Variants in FLOT1 observed in about 807,000 individuals in gnomAD.
FLOT1 encodes the protein flotillin-1.
In FLOT1, 40 loss-of-function variants were observed where a neutral mutation model predicts 58.4. The ratio of observed to expected loss-of-function variants is 0.69; its 90% CI spans 0.53 to 0.89. FLOT1 has a LOEUF of 0.89. Ranked by LOEUF, FLOT1 falls within the 40% of genes least tolerant of loss-of-function variation. The pLI, the probability that FLOT1 is intolerant of heterozygous loss-of-function variation, is 0.00. For missense variants in FLOT1, 423 were observed against 540.8 expected (o/e 0.78, Z 2.16); for synonymous variants, 178 against 204.2 (o/e 0.87, Z 1.09).
At position 30,737,237 on chromosome 6, in the gene FLOT1, C is replaced by CGTCT. The variant is rs1777650097; in HGVS notation, c.723+2920_723+2921insAGAC. On this transcript the variant is annotated intron_variant, in intron 8 of 12. Coordinates refer to ENST00000376389, the MANE Select transcript of FLOT1 (RefSeq NM_005803.4). This position sits in a 1 kb window ranked among gnomAD's most constrained non-coding sequence, Gnocchi z 4.4. ...CCGTCCGTCCGTCCGTCCGTCCGTC[C>CGTCT]GTCCGTCCGTCCATCCGTCCATCCA... Among the ~76,000 whole-genome samples, 2 of 148,582 alleles carry CGTCT rather than the reference C, an allele frequency of 1.3e-5. 1 individual carries two copies. The highest frequency in any genetic ancestry group is 5.0e-5 in the African/African-American group (2 of 39,842).
intron 8 of FLOT1, among the ~76,000 whole-genome samples, chr6:30,738,486 G>A (rs1262230045): frequency 6.6e-6 from 1 of 152,196 alleles, no homozygotes; most frequent in East Asian, 1.9e-4. Flanking sequence ...AAGTAGCCAT[G>A]AATGCTGAAT....
rs146050958 is a variant in FLOT1, at chr6:30,737,242, G to GTCCATCCATCCATCCATCCA, written c.723+2915_723+2916insTGGATGGATGGATGGATGGA. Among the ~76,000 whole-genome samples, 492 of 145,830 alleles carry GTCCATCCATCCATCCATCCA rather than the reference G, an allele frequency of 3.4e-3. 1 individual carries two copies. Among genetic ancestry groups the GTCCATCCATCCATCCATCCA allele is most frequent in the African/African-American group, 8.2e-3 (317 of 38,542 alleles). ...CGTCCGTCCGTCCGTCCGTCCGTCCGTCCGTCCATCCGTCCATCCATCCAT... is the reference window on the plus strand; with the variant it reads ...CGTCCGTCCGTCCGTCCGTCCGTCCGTCCATCCATCCATCCATCCATCCGTCCATCCGTCCATCCATCCAT... On this transcript the variant is annotated intron_variant, in intron 8 of 12. Transcript: ENST00000376389. This position sits in a 1 kb window ranked among gnomAD's most constrained non-coding sequence, Gnocchi z 4.4.
chr6:30,730,622 C>T, intron 10 of FLOT1, 57 bp from the exon 11 acceptor site: 6 of 1,613,822 alleles, frequency 3.7e-6, no homozygotes, highest in Non-Finnish European at 5.1e-6. Context: ...AAGAAATCCC[C>T]GATCAAGCAG....
Position 30,732,176 on chromosome 6 carries a change from C to A in FLOT1, c.724-1076G>T, listed in dbSNP as rs531843724. On this transcript the variant is annotated intron_variant, in intron 8 of 12. Coordinates refer to ENST00000376389, the MANE Select transcript of FLOT1 (RefSeq NM_005803.4). ...TAGAGACGGGGTTTCACCATGTTGG[C>A]CAGGCTGGTCTCAAACTCCTGATCT... Among the ~76,000 whole-genome samples, 6 of 152,064 alleles carry A rather than the reference C, an allele frequency of 3.9e-5. No homozygotes were observed. The East Asian group carries it at 1.2e-3, about 29-fold the overall frequency.
At chr6:30,740,963 T>C in intron 5 of FLOT1, 165 bp from the exon 6 acceptor site, 5 of 1,178,412 alleles carry the variant, frequency 4.2e-6, no homozygotes, top group Non-Finnish European at 5.8e-6. Flanking sequence ...ATTTTTGTAT[T>C]TGTAGTAGAG....
chr6:30,740,736 C>T lies in FLOT1; in HGVS notation c.417G>A (p.Leu139=). The T allele has an allele frequency of 6.2e-7, 1 of 1,612,894 alleles. No homozygotes were observed. Among genetic ancestry groups the T allele is most frequent in the East Asian group, 2.2e-5 (1 of 44,874 alleles). ...EQVFKVASSD[L]VNMGISVVSY... ...TAACCACACTGATGCCCATGTTGAC[C>T]AGGTCTGAGGAGGCCACTTTGAAAA... The change falls in exon 6 of 13, where the codon CTG becomes CTA. Residue 139 remains leucine, a synonymous_variant. Coordinates refer to ENST00000376389, the MANE Select transcript of FLOT1 (RefSeq NM_005803.4).
chr6:30,740,471 A>T (rs1443012758), intron 7 of FLOT1, 25 bp downstream of exon 7: 3 of 1,608,238 alleles, frequency 1.9e-6, no homozygotes. Flanking sequence ...CCCCTTTCCC[A>T]CTAAGCAACC....
intron 8 of FLOT1, among the ~76,000 whole-genome samples, chr6:30,739,822 T>C (rs9262162): frequency 0.13 from 19,722 of 152,108 alleles, 1,643 homozygotes; most frequent in South Asian, 0.22. Context: ...CTGCCATGCC[T>C]GGCTAATGTT....
chr6:30,740,360 C>T, intron 7 of FLOT1, 50 bp from the exon 8 acceptor site: 1 of 1,606,358 alleles, frequency 6.2e-7, no homozygotes, highest in Admixed American at 1.7e-5. Context: ...GGGAGAAAGG[C>T]CACGGTGACA....
intron 8 of FLOT1, 92 bp from the exon 9 acceptor site, chr6:30,731,192 TAGG>T: frequency 7.5e-7 from 1 of 1,339,278 alleles, no homozygotes; most frequent in African/African-American, 1.5e-5. Flanking sequence ...GATATAAAAA[TAGG>T]AGCCGGTGGC....
In FLOT1 at chr6:30,742,009, AAT is replaced by A; in HGVS notation, c.43+136_43+137del. ...GCAGTCTGGGCCTTGGAATGGTGGG[AAT>A]CAAACTGGGCAGTTCGTGGCCATCA... On this transcript the variant is annotated intron_variant, in intron 2 of 12. Transcript: ENST00000376389. The surrounding 1 kb of genome is among the most constrained non-coding windows in gnomAD (Gnocchi z 5.2). 1.7e-6 allele frequency: 2 copies of A among 1,182,404 alleles called. No individual in the cohort carries two copies. Among genetic ancestry groups the A allele is most frequent in the South Asian group, 2.6e-5 (2 of 78,216 alleles). The allele number at this position is 1,182,404 out of a possible 1,614,324, so 73.2% of individuals were successfully genotyped here.
chr6:30,740,025 G>A (rs1489678089), intron 8 of FLOT1, 133 bp downstream of exon 8: 14 of 796,964 alleles, frequency 1.8e-5, no homozygotes, highest in Non-Finnish European at 2.6e-5. Flanking sequence ...CTCATATGGG[G>A]GAGTTGGTCC....
rs9500867 is a variant in FLOT1, at chr6:30,730,154, T to C, written c.1122A>G (p.Ser374=). The part of the protein sequence containing the change: ...VAEEISGPLT[S]ANKITLVSSG... Reference sequence around the variant, plus strand: ...TGGACACCAGTGTGATCTTATTGGCTGAAGTCAAGGGACCACTGATCTCCT... The same window carrying C: ...TGGACACCAGTGTGATCTTATTGGCCGAAGTCAAGGGACCACTGATCTCCT... Residue 374 remains serine (S), a synonymous_variant, in exon 12 of 13, where the codon TCA becomes TCG. Coordinates refer to ENST00000376389, the MANE Select transcript of FLOT1 (RefSeq NM_005803.4). The C allele has an allele frequency of 0.019, 29,891 of 1,613,000 alleles. 913 individuals are homozygous for C. Among genetic ancestry groups the C allele is most frequent in the East Asian group, 0.13 (6,028 of 44,876 alleles).
intron 8 of FLOT1, among the ~76,000 whole-genome samples, chr6:30,733,683 G>A (rs1359577245): frequency 3.4e-5 from 5 of 147,752 alleles, no homozygotes; most frequent in African/African-American, 1.2e-4. Flanking sequence ...AGAGGTTGCA[G>A]TAGCTGAGAT....
At position 30,730,704 on chromosome 6, in the gene FLOT1, T is replaced by A; in HGVS notation, c.929A>T (p.Glu310Val). 6.2e-7 allele frequency: 1 copy of A among 1,613,376 alleles called. No homozygotes were observed. Among genetic ancestry groups the A allele is most frequent in the Non-Finnish European group, 8.5e-7 (1 of 1,180,042 alleles). Residue 310 changes from glutamate (E) to valine (V), a missense_variant, in exon 10 of 13, where the codon GAG becomes GTG. Glu to Val is a moderately radical substitution (Grantham distance 121, BLOSUM62 -2). Transcript: ENST00000376389. ...CACCCGCACAGACGCGGCTTCTGCC[T>A]CCGCCTGCATAATTAGTTGGGACCT... is the stretch of plus-strand genomic sequence containing the variant. ...AEKSQLIMQA[E>V]AEAASVRMRG...
At chr6:30,733,452 G>A (rs1187639575) in intron 8 of FLOT1, among the ~76,000 whole-genome samples, 1 of 152,068 alleles carries the variant, frequency 6.6e-6, no homozygotes, top group Non-Finnish European at 1.5e-5. Context: ...TAAGAAATCT[G>A]GGCTTGGGCC....
In FLOT1 at chr6:30,730,087, C is replaced by G; in HGVS notation, c.1189G>C (p.Val397Leu). Residue 397 changes from valine (V) to leucine (L), a missense_variant, in exon 12 of 13, where the codon GTA becomes CTA. Transcript: ENST00000376389. ...GGCAGGCGAGTTAGAATGTCCAGTA[C>G]TTCCCCAGTCACTTTGGCTGCCCCC... ...TMGAAKVTGEVLDILTRLPES... is the reference protein window; with the variant it reads ...TMGAAKVTGELLDILTRLPES... 6.2e-7 allele frequency: 1 copy of G among 1,613,022 alleles called. No individual in the cohort carries two copies. Among genetic ancestry groups the G allele is most frequent in the Non-Finnish European group, 8.5e-7 (1 of 1,180,006 alleles).
Position 30,730,160 on chromosome 6 carries a change from C to T in FLOT1, c.1116G>A (p.Leu372=). The T allele has an allele frequency of 6.2e-7, 1 of 1,613,066 alleles. No homozygotes were observed. The highest frequency in any genetic ancestry group is 2.2e-5 in the East Asian group (1 of 44,888). ...CCAGTGTGATCTTATTGGCTGAAGT[C>T]AAGGGACCACTGATCTCCTCTGCCA... is the stretch of plus-strand genomic sequence containing the variant. ...PQVAEEISGP[L]TSANKITLVS... is the part of the protein sequence containing the mutation. Residue 372 remains leucine, a synonymous_variant, in exon 12 of 13, where the codon TTG becomes TTA. Coordinates refer to ENST00000376389, the MANE Select transcript of FLOT1 (RefSeq NM_005803.4).
chr6:30,741,243 G>A lies in FLOT1; in HGVS notation c.301C>T (p.Leu101=), dbSNP rs772669209. ...CTCTGGTGGCCCTCTAACGTCTCCAGGGCAATGTGGGCAATCTCAGCCTCC... is the reference window on the plus strand; with the variant it reads ...CTCTGGTGGCCCTCTAACGTCTCCAAGGCAATGTGGGCAATCTCAGCCTCC... The part of the protein sequence containing the change: ...KTEAEIAHIA[L]ETLEGHQRAI... The change falls in exon 5 of 13, where the codon CTG becomes TTG. Residue 101 remains leucine, a synonymous_variant. Transcript: ENST00000376389. This position sits in a 1 kb window ranked among gnomAD's most constrained non-coding sequence, Gnocchi z 5.9. 1.2e-6 allele frequency: 2 copies of A among 1,613,100 alleles called. No individual in the cohort carries two copies. Among genetic ancestry groups the A allele is most frequent in the South Asian group, 1.1e-5 (1 of 91,086 alleles).
Sources: allele counts gnomAD v4.1 joint callset (sites outside exome capture counted in the v4.1 genomes callset), GRCh38; gene constraint gnomAD v4.1.1; non-coding constraint Gnocchi (gnomAD v3.1); transcripts MANE v1.5; gene names NCBI Gene and HGNC (gene_info 2026-07-23, HGNC 2026-07-21).